The following PPP2R2C variants were observed in gnomAD, a reference collection of about 807,000 sequenced individuals.
PPP2R2C encodes the protein protein phosphatase 2 regulatory subunit Bgamma.
A neutral mutation model predicts 45.3 loss-of-function variants in PPP2R2C; 10 were observed. The observed-to-expected ratio is 0.22, with a 90% CI of 0.14 to 0.37. The LOEUF (loss-of-function observed/expected upper bound fraction) is 0.37. PPP2R2C is among the 10% of genes least tolerant of loss of function. The pLI, the probability that PPP2R2C is intolerant of heterozygous loss-of-function variation, is 1.00. For synonymous variants in PPP2R2C, 257 were observed against 245.4 expected, an observed-to-expected ratio of 1.05 and a Z score of -0.44; for missense variants, 308 against 619.7, an observed-to-expected ratio of 0.50 and a Z score of 5.34.
chr4:6,423,575 G>C (rs1316369337), intron 1 of PPP2R2C, among the ~76,000 whole-genome samples: 1 of 152,204 alleles, frequency 6.6e-6, no homozygotes, highest in Non-Finnish European at 1.5e-5. Context: ...ATACCACTGG[G>C]GAGGCGAAGC....
chr4:6,556,452 G>A (rs557022924), intron 1 of PPP2R2C, among the ~76,000 whole-genome samples: 9 of 152,264 alleles, frequency 5.9e-5, no homozygotes, highest in African/African-American at 1.2e-4. Context: ...TCCAGCTTCC[G>A]GATGGAGCTC....
At chr4:6,538,031 C>A (rs1317980630) in intron 1 of PPP2R2C, among the ~76,000 whole-genome samples, 1 of 151,868 alleles carries the variant, frequency 6.6e-6, no homozygotes. Context: ...GGCGATGGGT[C>A]GTGGAGATGG....
In PPP2R2C at chr4:6,563,276, G is replaced by A. The variant is rs996983293; in HGVS notation, c.-59+284C>T. ...GGCAGGGTTCCAAGCCGGTTCTGTCGGGTTCCCTCAAGACCCCGAGAGCAC... is the reference window on the plus strand; with the variant it reads ...GGCAGGGTTCCAAGCCGGTTCTGTCAGGTTCCCTCAAGACCCCGAGAGCAC... On this transcript the variant is annotated intron_variant, in intron 1 of 9. Coordinates refer to the PPP2R2C transcript ENST00000506140. This position sits in a 1 kb window ranked among gnomAD's most constrained non-coding sequence, Gnocchi z 5.8. 6.6e-6 allele frequency among the ~76,000 whole-genome samples: 1 copy of A among 152,196 alleles called. No homozygotes were observed. Among genetic ancestry groups the A allele is most frequent in the African/African-American group, 2.4e-5 (1 of 41,458 alleles).
chr4:6,422,679 TCTC>T (rs1719057115), intron 1 of PPP2R2C, among the ~76,000 whole-genome samples: 1 of 152,096 alleles, frequency 6.6e-6, no homozygotes, highest in Non-Finnish European at 1.5e-5. Flanking sequence ...TCTGTCCTAA[TCTC>T]CTCTTCTTAT....
rs1221150894 is a variant in PPP2R2C at position 6,454,111 on chromosome 4, G to T, written c.70+18049C>A. 2.0e-5 allele frequency among the ~76,000 whole-genome samples: 3 copies of T among 152,316 alleles called. No homozygotes were observed. The East Asian group carries it at 5.8e-4, about 29-fold the overall frequency. On this transcript the variant is annotated intron_variant, in intron 1 of 8. Transcript: ENST00000382599. ...CCGTTCTTCCTGTGACTGTTCAGGG[G>T]GACAAGAGGGTGTTGCTCAGGAGCG...
intron 5 of PPP2R2C, among the ~76,000 whole-genome samples, chr4:6,369,491 A>T (rs2109288042): frequency 6.6e-6 from 1 of 152,280 alleles, no homozygotes; most frequent in South Asian, 2.1e-4. Context: ...AAAGAAAACA[A>T]TTTTTTTTAA....
intron 6 of PPP2R2C, among the ~76,000 whole-genome samples, chr4:6,334,476 C>A (rs932999266): frequency 6.6e-6 from 1 of 152,170 alleles, no homozygotes; most frequent in Admixed American, 6.5e-5. Flanking sequence ...TGTCCCCTCC[C>A]CACTGCCCCC....
chr4:6,445,255 G>T (rs529182207), intron 1 of PPP2R2C, among the ~76,000 whole-genome samples: 4 of 151,928 alleles, frequency 2.6e-5, no homozygotes, highest in Non-Finnish European at 4.4e-5. Flanking sequence ...ATTCCTGGCA[G>T]TCTCTGCAAC....
intron 1 of PPP2R2C, among the ~76,000 whole-genome samples, chr4:6,418,412 G>A (rs1718736674): frequency 6.6e-6 from 1 of 152,244 alleles, no homozygotes; most frequent in Non-Finnish European, 1.5e-5. Flanking sequence ...CTGCCACGCA[G>A]CAAAGCCAGA....
intron 1 of PPP2R2C, among the ~76,000 whole-genome samples, chr4:6,434,618 C>T (rs1560545039): frequency 6.6e-6 from 1 of 152,136 alleles, no homozygotes; most frequent in East Asian, 1.9e-4. Context: ...CTCGGCCTCC[C>T]AAAGTGCTGG....
chr4:6,493,594 G>A (rs1722780113), intron 2 of PPP2R2C, among the ~76,000 whole-genome samples: 1 of 151,048 alleles, frequency 6.6e-6, no homozygotes, highest in Non-Finnish European at 1.5e-5. Flanking sequence ...ATACTAGATC[G>A]ATCTAGTGCA....
chr4:6,560,320 T>C (rs965164150), intron 1 of PPP2R2C, among the ~76,000 whole-genome samples: 2 of 152,248 alleles, frequency 1.3e-5, no homozygotes, highest in African/African-American at 4.8e-5. Context: ...CCAGGGGCGT[T>C]TCCATACTGG....
chr4:6,383,995 T>A, intron 1 of PPP2R2C: 1 of 985,718 alleles, frequency 1.0e-6, no homozygotes, highest in Non-Finnish European at 1.2e-6. Flanking sequence ...CATCCATCCA[T>A]CAAGACAGAT....
chr4:6,383,171 G>A (rs1317160858), intron 1 of PPP2R2C: 3 of 1,176,316 alleles, frequency 2.6e-6, no homozygotes, highest in Non-Finnish European at 3.2e-6. Context: ...GGTACCAGGA[G>A]CAGGACCTGC....
At chr4:6,359,121 T>C (rs1713500177) in intron 5 of PPP2R2C, among the ~76,000 whole-genome samples, 1 of 152,308 alleles carries the variant, frequency 6.6e-6, no homozygotes, top group South Asian at 2.1e-4. Context: ...ATAGACTGGA[T>C]TAAGAAAATG....
chr4:6,336,575 A>G, intron 6 of PPP2R2C, among the ~76,000 whole-genome samples: 1 of 148,666 alleles, frequency 6.7e-6, no homozygotes, highest in Non-Finnish European at 1.5e-5. Flanking sequence ...GCAGGCAGCA[A>G]AGATGCTGTA....
upstream of PPP2R2C, among the ~76,000 whole-genome samples, chr4:6,472,833 G>C (rs1019106582): frequency 6.6e-6 from 1 of 152,056 alleles, no homozygotes; most frequent in Admixed American, 6.5e-5. Context: ...GCTGAGCTTG[G>C]GGGGAGGGTA....
intron 2 of PPP2R2C, among the ~76,000 whole-genome samples, chr4:6,508,812 C>T (rs1368581528): frequency 1.3e-5 from 2 of 152,206 alleles, no homozygotes; most frequent in Non-Finnish European, 2.9e-5. Context: ...CGCAGCCCCT[C>T]CCAAGTGCTG....
At chr4:6,472,033 G>A in intron 1 of PPP2R2C, 127 bp downstream of exon 1, 1 of 1,135,042 alleles carries the variant, frequency 8.8e-7, no homozygotes, top group Non-Finnish European at 1.2e-6. Flanking sequence ...GGTGGGATGG[G>A]GTGGGGTGGG....
Sources: allele counts gnomAD v4.1 joint callset (sites outside exome capture counted in the v4.1 genomes callset), GRCh38; gene constraint gnomAD v4.1.1; non-coding constraint Gnocchi (gnomAD v3.1); transcripts MANE v1.5; gene names NCBI Gene and HGNC (gene_info 2026-07-23, HGNC 2026-07-21).